DOCK4: variants seen among roughly 807,000 people sequenced by gnomAD.
DOCK4 encodes the protein dedicator of cytokinesis protein 4.
In DOCK4, 97 loss-of-function variants were observed where a neutral mutation model predicts 268.1. That is an observed-to-expected ratio of 0.36 (90% CI 0.31 to 0.43). The LOEUF (loss-of-function observed/expected upper bound fraction) is 0.43, where lower values mean the gene tolerates loss of function less well. DOCK4 is among the 20% of genes least tolerant of loss of function. The probability of loss-of-function intolerance (pLI) is 1.00; values close to 1 mark genes in which losing one functional copy is unlikely to be tolerated. For missense variants in DOCK4, 2,145 were observed against 2,455.7 expected (o/e 0.87, Z 2.67); for synonymous variants, 954 against 887.2 (o/e 1.08, Z -1.34).
intron 1 of DOCK4, among the ~76,000 whole-genome samples, chr7:112,175,580 G>A (rs1818434862): frequency 6.7e-6 from 1 of 149,656 alleles, no homozygotes. Context: ...AGAAGGTTTT[G>A]TGGCCATAAA....
At chr7:112,104,866 C>A (rs1451292438) in intron 1 of DOCK4, among the ~76,000 whole-genome samples, 1 of 151,710 alleles carries the variant, frequency 6.6e-6, no homozygotes, top group Non-Finnish European at 1.5e-5. Flanking sequence ...TATAATTAAC[C>A]CAATGCTAAA....
chr7:112,001,369 A>G (rs1051083323), intron 2 of DOCK4, among the ~76,000 whole-genome samples: 13 of 152,200 alleles, frequency 8.5e-5, no homozygotes, highest in African/African-American at 3.1e-4. Context: ...CACCCAGGAC[A>G]TGAATCATCC....
chr7:111,943,229 A>G (rs535450566), intron 10 of DOCK4, among the ~76,000 whole-genome samples: 133 of 152,318 alleles, frequency 8.7e-4, no homozygotes, highest in Admixed American at 2.9e-3. Context: ...TGACCATAAC[A>G]ATGTTAATAA....
Position 111,760,067 on chromosome 7 carries a change from G to A in DOCK4, c.4162+114C>T, listed in dbSNP as rs1797279900. The A allele has an allele frequency of 2.3e-6, 3 of 1,314,576 alleles. No homozygotes were observed. In the East Asian group the frequency reaches 7.0e-5, roughly 31 times the overall value. 81.4% of individuals were successfully genotyped at this position (1,314,576 alleles called of 1,614,324 possible). On this transcript the variant is annotated intron_variant, in intron 40 of 52. Coordinates refer to ENST00000428084, the MANE Select transcript of DOCK4 (RefSeq NM_001363540.2). The stretch of plus-strand genomic sequence containing the variant: ...TTAAGATGATGGGAAAGAGGGAGCA[G>A]TAACGATGTGGCTATTGAAAAGGGA...
intron 16 of DOCK4, among the ~76,000 whole-genome samples, chr7:111,882,817 G>A (rs929324771): frequency 3.3e-5 from 5 of 152,038 alleles, no homozygotes; most frequent in Non-Finnish European, 5.9e-5. Flanking sequence ...GCTCCATGTT[G>A]AGGCTGGTCT....
intron 17 of DOCK4, among the ~76,000 whole-genome samples, chr7:111,873,140 A>G (rs898400037): frequency 6.6e-5 from 10 of 152,222 alleles, no homozygotes; most frequent in African/African-American, 2.4e-4. Flanking sequence ...GGGAGCTCTC[A>G]ACCTGAGAAG....
At chr7:111,863,327 A>T (rs765344112) in intron 23 of DOCK4, 45 bp downstream of exon 23, 34 of 1,608,856 alleles carry the variant, frequency 2.1e-5, no homozygotes, top group Non-Finnish European at 2.8e-5. Context: ...AAATATACAA[A>T]ATGGCTTTTC....
Position 112,162,511 on chromosome 7 carries a change from T to TTC in DOCK4, c.37+43589_37+43590dup, listed in dbSNP as rs10551859. 3.6e-3 allele frequency among the ~76,000 whole-genome samples: 503 copies of TTC among 140,702 alleles called. 1 individual carries two copies. Among genetic ancestry groups the TTC allele is most frequent in the East Asian group, 0.01 (48 of 4,694 alleles). The allele number at this position is 140,702 out of a possible 152,430, so 92.3% of individuals were successfully genotyped here. A position where few individuals can be genotyped will look rare whatever the true frequency, so the allele number is the denominator to read the frequency against. On this transcript the variant is annotated intron_variant, in intron 1 of 52. Transcript: ENST00000428084. Reference sequence around the variant, plus strand: ...AGAGAGTGTCTGTCTGTCTCTTTCTTTCTCTCTCTCTCTCTCTCTCTCTCT... The same window carrying TTC: ...AGAGAGTGTCTGTCTGTCTCTTTCTTTCTCTCTCTCTCTCTCTCTCTCTCTCT...
chr7:111,887,180 G>A lies in DOCK4; in HGVS notation c.1587+8432C>T, dbSNP rs114644141. On this transcript the variant is annotated intron_variant, in intron 16 of 52. Coordinates refer to ENST00000428084, the MANE Select transcript of DOCK4 (RefSeq NM_001363540.2). ...TAGACATGGTGGGTAAATGTGACAA[G>A]AGAAGCCTGTGACAAGGTTTCTCTT... Among the ~76,000 whole-genome samples the A allele has an allele frequency of 4.9e-3, 746 of 152,318 alleles. 10 individuals carry two copies. Among genetic ancestry groups the A allele is most frequent in the African/African-American group, 0.017 (712 of 41,562 alleles).
chr7:112,190,024 A>G (rs557729048), intron 1 of DOCK4, among the ~76,000 whole-genome samples: 116 of 152,234 alleles, frequency 7.6e-4, no homozygotes, highest in African/African-American at 2.7e-3. Flanking sequence ...TCCTCTGTGG[A>G]TGTCGGGGGG....
At chr7:112,112,995 C>A (rs1038302086) in intron 1 of DOCK4, among the ~76,000 whole-genome samples, 1 of 152,098 alleles carries the variant, frequency 6.6e-6, no homozygotes, top group Non-Finnish European at 1.5e-5. Context: ...CAGATTTTTT[C>A]CCGACTAGGG....
chr7:112,096,258 C>T (rs1056141170), intron 1 of DOCK4, among the ~76,000 whole-genome samples: 16 of 152,110 alleles, frequency 1.1e-4, no homozygotes, highest in African/African-American at 3.6e-4. Flanking sequence ...TCACTGTAAC[C>T]TTGACCTCCT....
At chr7:112,028,240 G>C (rs949695226) in intron 1 of DOCK4, among the ~76,000 whole-genome samples, 1 of 152,126 alleles carries the variant, frequency 6.6e-6, no homozygotes, top group South Asian at 2.1e-4. Context: ...TCCAACAAAG[G>C]AATATGTTAA....
intron 1 of DOCK4, among the ~76,000 whole-genome samples, chr7:112,133,660 C>G (rs975997023): frequency 1.3e-5 from 2 of 152,218 alleles, no homozygotes; most frequent in South Asian, 4.1e-4. Context: ...GTCAAGGTTA[C>G]AGTGAGCCGA....
intron 1 of DOCK4, among the ~76,000 whole-genome samples, chr7:112,204,563 T>C (rs538297050): frequency 3.6e-4 from 55 of 152,324 alleles, no homozygotes; most frequent in Admixed American, 2.8e-3. Flanking sequence ...AAGACTCCTC[T>C]GACACTTTGA....
intron 23 of DOCK4, among the ~76,000 whole-genome samples, chr7:111,854,617 G>A (rs1333490888): frequency 3.3e-5 from 5 of 152,156 alleles, no homozygotes; most frequent in Admixed American, 3.3e-4. Context: ...CCTGACCTCA[G>A]GTGATCCACC....
chr7:112,140,676 A>G (rs1217059371), intron 1 of DOCK4, among the ~76,000 whole-genome samples: 1 of 151,738 alleles, frequency 6.6e-6, no homozygotes, highest in African/African-American at 2.4e-5. Context: ...AAATGCAGAA[A>G]AAAAAAACAT....
intron 7 of DOCK4, 121 bp from the exon 8 acceptor site, chr7:111,977,404 G>A (rs1414901474): frequency 1.8e-6 from 2 of 1,102,154 alleles, no homozygotes; most frequent in Non-Finnish European, 2.4e-6. Flanking sequence ...TTATTTTGCT[G>A]TGGATTTGGT....
intron 39 of DOCK4, among the ~76,000 whole-genome samples, chr7:111,764,044 CAA>C (rs1157328167): frequency 6.6e-6 from 1 of 152,160 alleles, no homozygotes; most frequent in Non-Finnish European, 1.5e-5. Context: ...GGCCCACCTG[CAA>C]AGTCAGCTTT....
Sources: gnomAD v4.1 joint callset for allele counts (sites outside exome capture counted in the v4.1 genomes callset) on GRCh38, gnomAD v4.1.1 for gene constraint, MANE v1.5 for transcripts, NCBI Gene and HGNC (gene_info 2026-07-23, HGNC 2026-07-21) for gene names.